ST6GALNAC3: variants seen among roughly 807,000 people sequenced by gnomAD.
The protein encoded by ST6GALNAC3 is ST6 N-acetylgalactosaminide alpha-2,6-sialyltransferase 3.
Under a neutral mutation model 32.7 loss-of-function variants are expected in ST6GALNAC3, and 25 were observed. The observed-to-expected ratio is 0.76, with a 90% CI of 0.56 to 1.07. ST6GALNAC3 has a LOEUF of 1.07. ST6GALNAC3 is among the 50% of genes least tolerant of loss of function. ST6GALNAC3 has a pLI of 0.00. For missense variants in ST6GALNAC3, 355 were observed against 382.4 expected, an observed-to-expected ratio of 0.93 and a Z score of 0.60; for synonymous variants, 129 against 133.1, an observed-to-expected ratio of 0.97 and a Z score of 0.21.
At chr1:76,202,972 A>G (rs371316501) in intron 1 of ST6GALNAC3, among the ~76,000 whole-genome samples, 2 of 152,280 alleles carry the variant, frequency 1.3e-5, no homozygotes, top group East Asian at 3.9e-4. Context: ...TTAACATATA[A>G]TTCAAGTTCA....
intron 3 of ST6GALNAC3, among the ~76,000 whole-genome samples, chr1:76,571,402 C>T (rs1665851325): frequency 6.6e-6 from 1 of 152,016 alleles, no homozygotes; most frequent in Non-Finnish European, 1.5e-5. Flanking sequence ...GCAACTTCCG[C>T]ACTTATAAGG....
intron 1 of ST6GALNAC3, among the ~76,000 whole-genome samples, chr1:76,247,920 G>A (rs1394904313): frequency 6.6e-6 from 1 of 152,024 alleles, no homozygotes; most frequent in East Asian, 1.9e-4. Context: ...CAGCCGCCCA[G>A]TTTTGTGCCT....
intron 1 of ST6GALNAC3, among the ~76,000 whole-genome samples, chr1:76,166,247 C>A (rs1047305624): frequency 2.6e-5 from 4 of 152,060 alleles, no homozygotes; most frequent in African/African-American, 9.7e-5. Context: ...CCCAGAACAA[C>A]TTACTGAATA....
Position 76,203,972 on chromosome 1 carries a change from T to G in ST6GALNAC3, c.19-109833T>G, listed in dbSNP as rs576533783. 9.8e-5 allele frequency among the ~76,000 whole-genome samples: 15 copies of G among 152,334 alleles called. 1 individual carries two copies. The highest frequency in any genetic ancestry group is 9.2e-4 in the Admixed American group (14 of 15,300). ...CCCTACTGATCTATCAAACACTAGC[T>G]TTTATTTTTTCTATCAAACAGGGTG... On this transcript the variant is annotated intron_variant, in intron 1 of 4. Transcript: ENST00000328299.
At chr1:76,263,780 C>T (rs555188799) in intron 1 of ST6GALNAC3, among the ~76,000 whole-genome samples, 2 of 152,270 alleles carry the variant, frequency 1.3e-5, no homozygotes, top group East Asian at 3.9e-4. Context: ...TTGTTAGAAT[C>T]ACTTATTAAA....
chr1:76,626,841 T>G (rs1024953629), intron 3 of ST6GALNAC3, among the ~76,000 whole-genome samples: 2 of 151,942 alleles, frequency 1.3e-5, no homozygotes, highest in African/African-American at 4.8e-5. Flanking sequence ...GTGATTACCA[T>G]GTAGCTTGTT....
At position 76,313,877 on chromosome 1, in the gene ST6GALNAC3, G is replaced by A. The variant is rs779105425; in HGVS notation, c.91G>A (p.Val31Met). 32 of 1,613,538 alleles carry A rather than the reference G, an allele frequency of 2.0e-5. No individual in the cohort carries two copies. Among genetic ancestry groups the A allele is most frequent in the Non-Finnish European group, 2.6e-5 (31 of 1,179,752 alleles). ...GCTGGTTGTGCGTCTTGTAAATGAA[G>A]TGAATTTCCCATTGCTACTAAACTG... is the stretch of plus-strand genomic sequence containing the variant. ...FLLVVRLVNE[V>M]NFPLLLNCFG... Residue 31 changes from valine to methionine, a missense_variant, in exon 2 of 5, where the codon GTG becomes ATG. Transcript: ENST00000328299.
At chr1:76,223,797 T>A (rs1397066227) in intron 1 of ST6GALNAC3, among the ~76,000 whole-genome samples, 1 of 152,118 alleles carries the variant, frequency 6.6e-6, no homozygotes, top group African/African-American at 2.4e-5. Flanking sequence ...ATTTTTTTTT[T>A]AAGAATTTGA....
chr1:76,406,572 G>A (rs565980808), intron 2 of ST6GALNAC3, among the ~76,000 whole-genome samples: 8 of 151,950 alleles, frequency 5.3e-5, no homozygotes, highest in Non-Finnish European at 1.0e-4. Flanking sequence ...TGTCATGCTA[G>A]CACTATTGCC....
chr1:76,306,158 C>G (rs1211373711), intron 1 of ST6GALNAC3, among the ~76,000 whole-genome samples: 1 of 152,032 alleles, frequency 6.6e-6, no homozygotes, highest in East Asian at 1.9e-4. Flanking sequence ...ATTCATTTTG[C>G]CCAACTCTGG....
intron 3 of ST6GALNAC3, among the ~76,000 whole-genome samples, chr1:76,537,437 AC>A (rs1454616265): frequency 1.1e-4 from 17 of 152,122 alleles, no homozygotes; most frequent in Admixed American, 1.0e-3. Context: ...GAGCAAACTA[AC>A]CCTAGCAGAA....
In ST6GALNAC3 at chr1:76,597,516, G is replaced by C. The variant is rs376266701; in HGVS notation, c.624-29936G>C. ...TGTACCAAACCCTGTCCAGAATTTT[G>C]GAATCGCCTCCCAGATACTTTATCT... On this transcript the variant is annotated intron_variant, in intron 3 of 4. Transcript: ENST00000328299. Among the ~76,000 whole-genome samples the C allele has an allele frequency of 5.0e-4, 76 of 152,078 alleles. 1 individual carries two copies. In the South Asian group the frequency reaches 0.015, roughly 30 times the overall value.
chr1:76,230,487 TG>T (rs2100636031), intron 1 of ST6GALNAC3, among the ~76,000 whole-genome samples: 1 of 152,326 alleles, frequency 6.6e-6, no homozygotes, highest in South Asian at 2.1e-4. Context: ...TAGGGTCCTA[TG>T]GCAATATACT....
intron 1 of ST6GALNAC3, among the ~76,000 whole-genome samples, chr1:76,289,513 A>C (rs962356536): frequency 2.0e-5 from 3 of 152,192 alleles, no homozygotes; most frequent in Non-Finnish European, 4.4e-5. Context: ...TAGCACCCTC[A>C]AGGGGGCAAA....
intron 3 of ST6GALNAC3, among the ~76,000 whole-genome samples, chr1:76,541,683 C>T (rs1664001728): frequency 1.3e-5 from 2 of 152,198 alleles, no homozygotes; most frequent in African/African-American, 4.8e-5. Context: ...AATATGCACC[C>T]TGTGCTGCAG....
At chr1:76,424,117 C>G (rs1012638393) in intron 3 of ST6GALNAC3, among the ~76,000 whole-genome samples, 2 of 152,072 alleles carry the variant, frequency 1.3e-5, no homozygotes, top group East Asian at 1.9e-4. Flanking sequence ...CCTGTGAGTT[C>G]ATAGCAAACA....
At chr1:76,593,969 A>G (rs941874993) in intron 3 of ST6GALNAC3, among the ~76,000 whole-genome samples, 1 of 152,124 alleles carries the variant, frequency 6.6e-6, no homozygotes, top group Non-Finnish European at 1.5e-5. Context: ...CACAGAGCCC[A>G]TCACAAGTAG....
rs931101151 is a variant in ST6GALNAC3, at chr1:76,633,378, C to T, written c.*4572C>T. 4 of 152,176 alleles carry T rather than the reference C, an allele frequency of 2.6e-5. No individual in the cohort carries two copies. Among genetic ancestry groups the T allele is most frequent in the African/African-American group, 9.7e-5 (4 of 41,440 alleles). The allele number at this position is 152,176 out of a possible 1,614,324, so 9.4% of individuals were successfully genotyped here. ...AGAAATATTTTCATAATTGAAGGAA[C>T]ATATCCCATTGATTGTCTACACTTT... On this transcript the variant is annotated 3_prime_UTR_variant, in exon 5 of 5. Transcript: ENST00000328299.
intron 2 of ST6GALNAC3, among the ~76,000 whole-genome samples, chr1:76,345,587 C>T (rs1000197872): frequency 1.3e-5 from 2 of 152,104 alleles, no homozygotes; most frequent in Non-Finnish European, 2.9e-5. Context: ...AATAATAACA[C>T]AATAAAGTTT....
Sources: gnomAD v4.1 joint callset for allele counts (sites outside exome capture counted in the v4.1 genomes callset) on GRCh38, gnomAD v4.1.1 for gene constraint, MANE v1.5 for transcripts, NCBI Gene and HGNC (gene_info 2026-07-23, HGNC 2026-07-21) for gene names.